The following KMT2D variants were observed in gnomAD, a reference collection of about 807,000 sequenced individuals.
The protein encoded by KMT2D is lysine methyltransferase 2D.
KMT2D carries 55 observed loss-of-function variants against 512.7 expected under a neutral mutation model. The observed-to-expected ratio is 0.11, with a 90% CI of 0.09 to 0.13. The LOEUF (loss-of-function observed/expected upper bound fraction) is 0.13, where lower values mean the gene tolerates loss of function less well. KMT2D is among the 10% of genes least tolerant of loss of function. The probability of loss-of-function intolerance (pLI) is 1.00; values close to 1 mark genes in which losing one functional copy is unlikely to be tolerated. For missense variants in KMT2D, 6,061 were observed against 7,127.9 expected (o/e 0.85, Z 5.39); for synonymous variants, 2,995 against 2,904.0 (o/e 1.03, Z -1.01).
rs770105193 is a variant in KMT2D at position 49,054,140 on chromosome 12, G to T, written c.511C>A (p.Arg171Ser). Residue 171 changes from arginine (R) to serine (S), a missense_variant and splice_region_variant, in exon 6 of 55, where the codon CGC (arginine) becomes AGC (serine). Coordinates refer to ENST00000301067, the MANE Select transcript of KMT2D (RefSeq NM_003482.4). The surrounding 1 kb of genome is among the most constrained non-coding windows in gnomAD (Gnocchi z 6.4). ...CCGAGCCTGGTGCAGTGGGAGCAGCGCTGCCAGGGTGAAAAAAGAGCCTCA... is the reference window on the plus strand; with the variant it reads ...CCGAGCCTGGTGCAGTGGGAGCAGCTCTGCCAGGGTGAAAAAAGAGCCTCA... ...DKAIFSGISQ[R>S]CSHCTRLGAS... The T allele has an allele frequency of 6.3e-7, 1 of 1,597,838 alleles. No individual in the cohort carries two copies. The highest frequency in any genetic ancestry group is 2.3e-5 in the East Asian group (1 of 44,352).
rs202208828 is a variant in KMT2D at position 49,046,828 on chromosome 12, G to A, written c.4237-38C>T. On this transcript the variant is annotated intron_variant, in intron 15 of 54. Transcript: ENST00000301067. This position sits in a 1 kb window ranked among gnomAD's most constrained non-coding sequence, Gnocchi z 4.2. The stretch of plus-strand genomic sequence containing the variant: ...ATGGGAACTTCTCAGGGTGTGAGGT[G>A]GAAAAGAGGTAGAACTTCTTTTTAT... 245 of 1,567,912 alleles carry A rather than the reference G, an allele frequency of 1.6e-4. 1 individual carries two copies. The Admixed American group carries it at 4.3e-3, about 27-fold the overall frequency.
Position 49,022,973 on chromosome 12 carries a change from G to A in KMT2D, c.16053-98C>T. 7.9e-7 allele frequency: 1 copy of A among 1,272,480 alleles called. No individual in the cohort carries two copies. The highest frequency in any genetic ancestry group is 1.6e-5 in the South Asian group (1 of 62,704). The allele number at this position is 1,272,480 out of a possible 1,614,324, so 78.8% of individuals were successfully genotyped here. The stretch of plus-strand genomic sequence containing the variant: ...ACCTCCTGGGATGTGCAACACACCA[G>A]TTAGGGGCGTGTGCTGCTGGCAAGC... On this transcript the variant is annotated intron_variant, in intron 51 of 54. Coordinates refer to ENST00000301067, the MANE Select transcript of KMT2D (RefSeq NM_003482.4). The surrounding 1 kb of genome is among the most constrained non-coding windows in gnomAD (Gnocchi z 8.6).
At position 49,030,386 on chromosome 12, in the gene KMT2D, G is replaced by C; in HGVS notation, c.13893C>G (p.Pro4631=). Residue 4631 remains proline (P), a synonymous_variant, in exon 43 of 55, where the codon CCC becomes CCG. Transcript: ENST00000301067. ...TPPSSLPPTP[P]PSVQQKMVNG... Reference sequence around the variant, plus strand: ...TCACCATCTTCTGCTGCACCGATGGGGGTGGGGTGGGGGGCAGCGACGAGG... The same window carrying C: ...TCACCATCTTCTGCTGCACCGATGGCGGTGGGGTGGGGGGCAGCGACGAGG... The C allele has an allele frequency of 6.3e-7, 1 of 1,594,628 alleles. No individual in the cohort carries two copies.
rs992051874 is a variant in KMT2D at position 49,051,355 on chromosome 12, C to T, written c.2328G>A (p.Glu776=). Reference sequence around the variant, plus strand: ...CCTCAGGCACAGCGCATAGGCATGGCTCCTCAGGCTGGGGGGACAGGTGTG... The same window carrying T: ...CCTCAGGCACAGCGCATAGGCATGGTTCCTCAGGCTGGGGGGACAGGTGTG... ...EEPHLSPQPE[E]PCLCAVPEEP... is the part of the protein sequence containing the mutation. Residue 776 remains glutamate, a synonymous_variant, in exon 11 of 55, where the codon GAG becomes GAA. Coordinates refer to ENST00000301067, the MANE Select transcript of KMT2D (RefSeq NM_003482.4). The T allele has an allele frequency of 3.7e-6, 6 of 1,605,330 alleles. No individual in the cohort carries two copies. Among genetic ancestry groups the T allele is most frequent in the Non-Finnish European group, 5.1e-6 (6 of 1,175,922 alleles).
Position 49,030,383 on chromosome 12 carries a change from T to TTG in KMT2D, c.13895_13896insCA (p.Ser4633AsnfsTer8). On this transcript the variant is annotated frameshift_variant, in exon 43 of 55. Transcript: ENST00000301067. LOFTEE classifies it high-confidence loss of function. The stretch of plus-strand genomic sequence containing the variant: ...CATTCACCATCTTCTGCTGCACCGA[T>TTG]GGGGGTGGGGTGGGGGGCAGCGACG... 6 of 728,620 alleles carry TTG rather than the reference T, an allele frequency of 8.2e-6. No individual in the cohort carries two copies. The highest frequency in any genetic ancestry group is 1.1e-5 in the Non-Finnish European group (5 of 447,004). The allele number at this position is 728,620 out of a possible 1,614,324, so 45.1% of individuals were successfully genotyped here. A position where few individuals can be genotyped will look rare whatever the true frequency, so the allele number is the denominator to read the frequency against.
At position 49,021,945 on chromosome 12, in the gene KMT2D, G is replaced by C; in HGVS notation, c.16522-73C>G. 3 of 1,554,220 alleles carry C rather than the reference G, an allele frequency of 1.9e-6. No individual in the cohort carries two copies. In the South Asian group the frequency reaches 3.3e-5, roughly 17 times the overall value. On this transcript the variant is annotated intron_variant, in intron 54 of 54. Coordinates refer to ENST00000301067, the MANE Select transcript of KMT2D (RefSeq NM_003482.4). ...GGGGAGGCCAGAGAAGATATGATCTGAGGTGCCCAGCCTAGGAATCCACAT... is the reference window on the plus strand; with the variant it reads ...GGGGAGGCCAGAGAAGATATGATCTCAGGTGCCCAGCCTAGGAATCCACAT...
chr12:49,052,491 G>C (rs1938134309), intron 10 of KMT2D, 67 bp from the exon 11 acceptor site: 3 of 1,567,244 alleles, frequency 1.9e-6, no homozygotes, highest in Admixed American at 1.8e-5. Context: ...GTGGGGTCTG[G>C]GGCAATGCAC....
rs767902511 is a variant in KMT2D at position 49,038,361 on chromosome 12, C to A, written c.8995G>T (p.Ala2999Ser). The change falls in exon 35 of 55, where the codon GCC becomes TCC. Residue 2999 changes from alanine (A) to serine (S), a missense_variant. By Grantham distance (99) the Ala-to-Ser change is moderately conservative (BLOSUM62 1). Around this residue, in one of 16 missense-constraint regions of KMT2D, gnomAD observed 527 missense variants for 578.9 expected, o/e 0.91. Transcript: ENST00000301067. This position sits in a 1 kb window ranked among gnomAD's most constrained non-coding sequence, Gnocchi z 5.7. The part of the protein sequence containing the change: ...EDPELDDDFD[A>S]HKALEDDEEL... ...TCATCATCCTCTAGGGCCTTGTGGG[C>A]ATCAAAATCGTCATCCAGCTCGGGA... 3 of 1,613,882 alleles carry A rather than the reference C, an allele frequency of 1.9e-6. No homozygotes were observed. The South Asian group carries it at 3.3e-5, about 18-fold the overall frequency.
intron 15 of KMT2D, among the ~76,000 whole-genome samples, chr12:49,047,454 C>T (rs1943846720): frequency 6.8e-6 from 1 of 146,166 alleles, no homozygotes; most frequent in Non-Finnish European, 1.5e-5. Context: ...ACTCTGTTGC[C>T]CAGGCTGGAG....
In KMT2D at chr12:49,031,858, G is replaced by T; in HGVS notation, c.12847C>A (p.Pro4283Thr). The stretch of plus-strand genomic sequence containing the variant: ...GCAGGGAGCCGGGGTGGGCCCTGAG[G>T]TCGAGGCCCTGCCCCTAGCTCCTGG... The part of the protein sequence containing the change: ...PLQELGAGPR[P>T]QGPPRLPAPP... The change falls in exon 40 of 55, where the codon CCT becomes ACT. Residue 4283 changes from proline to threonine, a missense_variant. Physicochemically the swap from Pro to Thr is conservative, Grantham distance 38. Coordinates refer to ENST00000301067, the MANE Select transcript of KMT2D (RefSeq NM_003482.4). 1 of 1,541,740 alleles carries T rather than the reference G, an allele frequency of 6.5e-7. No individual in the cohort carries two copies. The highest frequency in any genetic ancestry group is 2.3e-5 in the East Asian group (1 of 44,268).
In KMT2D at chr12:49,020,982, T is replaced by A. The variant is rs1942296260; in HGVS notation, c.*798A>T. On this transcript the variant is annotated 3_prime_UTR_variant, in exon 55 of 55. Coordinates refer to ENST00000301067, the MANE Select transcript of KMT2D (RefSeq NM_003482.4). The stretch of plus-strand genomic sequence containing the variant: ...TTTTTGTTGTTGTTTTTCTTCCTCC[T>A]CCTACCCCCCTTCCACCCACTCAGA... 5.1e-6 allele frequency: 1 copy of A among 194,696 alleles called. No homozygotes were observed. Among genetic ancestry groups the A allele is most frequent in the Admixed American group, 6.1e-5 (1 of 16,320 alleles). 12.1% of individuals were successfully genotyped at this position (194,696 alleles called of 1,614,324 possible). A position where few individuals can be genotyped will look rare whatever the true frequency, so the allele number is the denominator to read the frequency against.
Position 49,020,284 on chromosome 12 carries a change from G to T in KMT2D, c.*1496C>A, listed in dbSNP as rs1942249083. On this transcript the variant is annotated 3_prime_UTR_variant, in exon 55 of 55. Coordinates refer to ENST00000301067, the MANE Select transcript of KMT2D (RefSeq NM_003482.4). Reference sequence around the variant, plus strand: ...CCATCTTACAGCAGTCACAGCCAGGGGGTGGGGAGTGGGGTGGGGGGTGAG... The same window carrying T: ...CCATCTTACAGCAGTCACAGCCAGGTGGTGGGGAGTGGGGTGGGGGGTGAG... 1 of 174,762 alleles carries T rather than the reference G, an allele frequency of 5.7e-6. No homozygotes were observed. The highest frequency in any genetic ancestry group is 2.4e-5 in the African/African-American group (1 of 42,112). 10.8% of individuals were successfully genotyped at this position (174,762 alleles called of 1,614,324 possible). A position where few individuals can be genotyped will look rare whatever the true frequency, so the allele number is the denominator to read the frequency against.
chr12:49,032,142 ACCCCAGGCAGAC>A lies in KMT2D; in HGVS notation c.12551_12562del (p.Gly4184_Gly4187del). On this transcript the variant is annotated inframe_deletion, in exon 40 of 55. Transcript: ENST00000301067. ...CTGACCCACCGTAGGCATGATTCCA[ACCCCAGGCAGAC>A]CCTGCCCAGACTGGAGGACAGGTCC... The A allele has an allele frequency of 6.2e-7, 1 of 1,613,550 alleles. No individual in the cohort carries two copies. Among genetic ancestry groups the A allele is most frequent in the Non-Finnish European group, 8.5e-7 (1 of 1,179,706 alleles).
rs773797737 is a variant in KMT2D, at chr12:49,049,693, G to A, written c.3895C>T (p.Arg1299Cys). 6.3e-6 allele frequency: 10 copies of A among 1,583,972 alleles called. No individual in the cohort carries two copies. Among genetic ancestry groups the A allele is most frequent in the South Asian group, 2.3e-5 (2 of 88,462 alleles). Residue 1299 changes from arginine to cysteine, a missense_variant, in exon 12 of 55, where the codon CGC becomes TGC. Around this residue, in one of 16 missense-constraint regions of KMT2D, gnomAD observed 447 missense variants for 500.1 expected, o/e 0.89. Transcript: ENST00000301067. The part of the protein sequence containing the change: ...GRRRSSPARS[R>C]IKQGRSSSFP... The stretch of plus-strand genomic sequence containing the variant: ...AGATAGCCCCTCACCTGTTTGATGC[G>A]GGAACGGGCTGGGGAGCTGCGCCGC...
Position 49,044,472 on chromosome 12 carries a change from G to A in KMT2D, c.5014C>T (p.Pro1672Ser), listed in dbSNP as rs2120584420. 1 of 1,613,950 alleles carries A rather than the reference G, an allele frequency of 6.2e-7. No homozygotes were observed. The highest frequency in any genetic ancestry group is 1.1e-5 in the South Asian group (1 of 91,084). ...CEIKLEGPVS[P>S]DVEPGKEETE... ...TCCTCTTTGCCAGGCTCCACATCAG[G>A]GCTGACGGGGCCCTCCAGTTTAATT... Residue 1672 changes from proline (P) to serine (S), a missense_variant, in exon 21 of 55, where the codon CCT (proline) becomes TCT (serine). Pro to Ser is a moderately conservative substitution (Grantham distance 74, BLOSUM62 -1). This residue lies in a region of KMT2D where 640 missense variants were observed against 814.3 expected (regional missense o/e 0.79). Transcript: ENST00000301067. The surrounding 1 kb of genome is among the most constrained non-coding windows in gnomAD (Gnocchi z 6.4).
chr12:49,053,300 C>G lies in KMT2D; in HGVS notation c.861G>C (p.Lys287Asn). Residue 287 changes from lysine to asparagine, a missense_variant, in exon 8 of 55, where the codon AAG becomes AAC. Transcript: ENST00000301067. ...QACRKPGNDS[K>N]MLVCETCDKG... is the part of the protein sequence containing the mutation. Reference sequence around the variant, plus strand: ...TGTCACACGTCTCACAAACCAACATCTTAGAGTCATTCCCAGGTTTCCTGC... The same window carrying G: ...TGTCACACGTCTCACAAACCAACATGTTAGAGTCATTCCCAGGTTTCCTGC... 6.2e-7 allele frequency: 1 copy of G among 1,613,942 alleles called. No individual in the cohort carries two copies. Among genetic ancestry groups the G allele is most frequent in the Non-Finnish European group, 8.5e-7 (1 of 1,179,862 alleles).
rs2120529966 is a variant in KMT2D, at chr12:49,040,504, C to T, written c.7266G>A (p.Gln2422=). The T allele has an allele frequency of 6.3e-7, 1 of 1,586,466 alleles. No individual in the cohort carries two copies. The highest frequency in any genetic ancestry group is 1.7e-5 in the Admixed American group (1 of 57,366). ...PASPQSQSSS[Q]SPLTPRPLSA... is the part of the protein sequence containing the mutation. ...ACAGAGGCCGGGGTGTCAGTGGAGA[C>T]TGGGAGCTGGACTGGGACTGAGGAC... Residue 2422 remains glutamine, a synonymous_variant, in exon 32 of 55, where the codon CAG becomes CAA. Coordinates refer to ENST00000301067, the MANE Select transcript of KMT2D (RefSeq NM_003482.4).
rs774709486 is a variant in KMT2D, at chr12:49,028,893, T to C, written c.14317A>G (p.Thr4773Ala). The C allele has an allele frequency of 1.2e-6, 2 of 1,613,986 alleles. No homozygotes were observed. Among genetic ancestry groups the C allele is most frequent in the East Asian group, 4.5e-5 (2 of 44,892 alleles). Residue 4773 changes from threonine to alanine, a missense_variant, in exon 46 of 55, where the codon ACT becomes GCT. This residue lies in a region of KMT2D where 1,600 missense variants were observed against 1,754.9 expected (regional missense o/e 0.91). Transcript: ENST00000301067. ...LEVPGKLPVTTWEKGKGSEVS... is the reference protein window; with the variant it reads ...LEVPGKLPVTAWEKGKGSEVS... ...TCACTTCCTTTGCCCTTTTCCCAAG[T>C]TGTGACAGGCAGCTTTCCAGGGACC...
In KMT2D at chr12:49,027,803, C is replaced by T. The variant is rs1303648140; in HGVS notation, c.14643G>A (p.Gln4881=). The stretch of plus-strand genomic sequence containing the variant: ...ACCCCTTTTTCTCCCCCAGACCTAC[C>T]TGTTTCAGGAGGCTCAAGATGTCTA... ...SQLDILSLLK[Q]ESPAPEPPTQ... The change falls in exon 48 of 55, where the codon CAG becomes CAA. Residue 4881 remains glutamine, a splice_region_variant and synonymous_variant. Transcript: ENST00000301067. 4 of 1,562,334 alleles carry T rather than the reference C, an allele frequency of 2.6e-6. No homozygotes were observed. The highest frequency in any genetic ancestry group is 3.5e-6 in the Non-Finnish European group (4 of 1,153,062).
Sources: gnomAD v4.1 joint callset for allele counts (sites outside exome capture counted in the v4.1 genomes callset) on GRCh38, gnomAD v4.1.1 for gene constraint, gnomAD v4.1.1 regional missense constraint, Gnocchi (gnomAD v3.1) non-coding constraint, MANE v1.5 for transcripts, NCBI Gene and HGNC (gene_info 2026-07-23, HGNC 2026-07-21) for gene names.